PSMD3: variants seen among roughly 807,000 people sequenced by gnomAD.
PSMD3 encodes the protein 26S proteasome non-ATPase regulatory subunit 3.
PSMD3 carries 5 observed loss-of-function variants against 62.8 expected under a neutral mutation model. That is an observed-to-expected ratio of 0.08 (90% confidence interval 0.04 to 0.17). The LOEUF is 0.17. PSMD3 is among the 10% of genes least tolerant of loss of function. The probability of loss-of-function intolerance (pLI) is 1.00; values close to 1 mark genes in which losing one functional copy is unlikely to be tolerated. For missense variants in PSMD3, 524 were observed against 713.6 expected, an observed-to-expected ratio of 0.73 and a Z score of 3.03; for synonymous variants, 265 against 283.9, an observed-to-expected ratio of 0.93 and a Z score of 0.67.
intron 2 of PSMD3, 133 bp from the exon 3 acceptor site, chr17:39,986,442 C>A (rs1980525732): frequency 1.8e-6 from 2 of 1,115,512 alleles, no homozygotes; most frequent in Non-Finnish European, 2.6e-6. Flanking sequence ...TTTTTTTATC[C>A]CTAGCACCTA....
At position 39,997,492 on chromosome 17, in the gene PSMD3, C is replaced by T. The variant is rs1253847730; in HGVS notation, c.1528-12C>T. The T allele has an allele frequency of 6.2e-7, 1 of 1,613,998 alleles. No homozygotes were observed. Among genetic ancestry groups the T allele is most frequent in the Non-Finnish European group, 8.5e-7 (1 of 1,179,966 alleles). ...GCTCTGAAGCTTTGGCCTCACTTGC[C>T]TCTCTCCCCAGGAACGGCGTGAGCG... On this transcript the variant is annotated splice_polypyrimidine_tract_variant and intron_variant, in intron 11 of 11. Coordinates refer to ENST00000264639, the MANE Select transcript of PSMD3 (RefSeq NM_002809.4).
chr17:39,981,981 T>G (rs924303784), intron 1 of PSMD3, among the ~76,000 whole-genome samples: 1 of 152,224 alleles, frequency 6.6e-6, no homozygotes, highest in Non-Finnish European at 1.5e-5. Flanking sequence ...CTGTTTCCAT[T>G]TGAAGTGGGC....
chr17:39,984,616 G>A, intron 2 of PSMD3, 132 bp downstream of exon 2: 1 of 809,654 alleles, frequency 1.2e-6, no homozygotes, highest in South Asian at 2.0e-5. Flanking sequence ...CAGTCCATTT[G>A]AATACTCATC....
intron 6 of PSMD3, 90 bp downstream of exon 6, chr17:39,990,287 T>C: frequency 2.5e-6 from 3 of 1,196,554 alleles, no homozygotes; most frequent in Non-Finnish European, 3.5e-6. Flanking sequence ...GGTCTTGAAC[T>C]CCTGGGTTCA....
In PSMD3 at chr17:39,997,689, G is replaced by T; in HGVS notation, c.*108G>T. On this transcript the variant is annotated 3_prime_UTR_variant, in exon 12 of 12. Transcript: ENST00000264639. ...TTTTCCCACACACAGCTCATATGCT[G>T]CATTCGTGCAGGGGGTGGGGGTGCT... The T allele has an allele frequency of 7.6e-7, 1 of 1,307,992 alleles. No homozygotes were observed. The highest frequency in any genetic ancestry group is 1.1e-6 in the Non-Finnish European group (1 of 933,170). 81.0% of individuals were successfully genotyped at this position (1,307,992 alleles called of 1,614,324 possible).
At chr17:39,989,991 T>G in intron 5 of PSMD3, 62 bp downstream of exon 5, 1 of 1,584,260 alleles carries the variant, frequency 6.3e-7, no homozygotes. Flanking sequence ...GTGCAAATTT[T>G]CCAAGGGGTG....
At position 39,990,197 on chromosome 17, in the gene PSMD3, G is replaced by T; in HGVS notation, c.981G>T (p.Thr327=). The T allele has an allele frequency of 6.2e-7, 1 of 1,610,146 alleles. No homozygotes were observed. The highest frequency in any genetic ancestry group is 1.1e-5 in the South Asian group (1 of 90,770). ...PQHTAVGFKQ[T]VHKLLIVVEL... is the part of the protein sequence containing the mutation. Reference sequence around the variant, plus strand: ...ACACAGCTGTCGGCTTCAAACAGACGGTGAGCCACAACTACCATCATCCCT... The same window carrying T: ...ACACAGCTGTCGGCTTCAAACAGACTGTGAGCCACAACTACCATCATCCCT... The change falls in exon 6 of 12, where the codon ACG becomes ACT. Residue 327 remains threonine (T), a splice_region_variant and synonymous_variant. Coordinates refer to ENST00000264639, the MANE Select transcript of PSMD3 (RefSeq NM_002809.4).
At position 39,996,801 on chromosome 17, in the gene PSMD3, C is replaced by T. The variant is rs1980795508; in HGVS notation, c.1476+463C>T. On this transcript the variant is annotated intron_variant, in intron 10 of 11. Coordinates refer to ENST00000264639, the MANE Select transcript of PSMD3 (RefSeq NM_002809.4). This position sits in a 1 kb window ranked among gnomAD's most constrained non-coding sequence, Gnocchi z 5.1. ...ATCTAGCTCCACAAAAGGGTGAGCC[C>T]TTATCCTCAGTTAAGCACTGAGTTT... 2.2e-6 allele frequency: 1 copy of T among 463,978 alleles called. No individual in the cohort carries two copies. The allele number at this position is 463,978 out of a possible 1,614,324, so 28.7% of individuals were successfully genotyped here.
At chr17:39,987,706 C>T (rs1429288050) in intron 3 of PSMD3, among the ~76,000 whole-genome samples, 1 of 152,144 alleles carries the variant, frequency 6.6e-6, no homozygotes, top group East Asian at 1.9e-4. Flanking sequence ...TGGTCTTGAA[C>T]TCCTGGGCTC....
At chr17:39,989,287 C>T (rs1255381168) in intron 4 of PSMD3, among the ~76,000 whole-genome samples, 2 of 152,230 alleles carry the variant, frequency 1.3e-5, no homozygotes, top group Non-Finnish European at 2.9e-5. Context: ...GCACACTCTT[C>T]TTCAGAGCCT....
At chr17:39,981,307 C>T in intron 1 of PSMD3, 117 bp downstream of exon 1, 2 of 1,463,814 alleles carry the variant, frequency 1.4e-6, no homozygotes, top group Non-Finnish European at 1.8e-6. Context: ...TTGGGATCAC[C>T]CCCAGATACC....
At chr17:39,981,260 C>T (rs1980377648) in intron 1 of PSMD3, 70 bp downstream of exon 1, 3 of 1,541,092 alleles carry the variant, frequency 1.9e-6, no homozygotes, top group Non-Finnish European at 2.6e-6. Context: ...TGGCTTCTTG[C>T]TGGGAAGCCA....
At chr17:39,988,333 G>A (rs1032002771) in intron 3 of PSMD3, among the ~76,000 whole-genome samples, 16 of 152,114 alleles carry the variant, frequency 1.1e-4, no homozygotes, top group African/African-American at 2.4e-4. Flanking sequence ...ATTACACACC[G>A]TGTGCCCTTG....
In PSMD3 at chr17:39,995,064, T is replaced by G. The variant is rs753829733; in HGVS notation, c.1092T>G (p.Thr364=). The G allele has an allele frequency of 1.7e-4, 278 of 1,613,996 alleles. No individual in the cohort carries two copies. Among genetic ancestry groups the G allele is most frequent in the Non-Finnish European group, 1.3e-4 (155 of 1,180,018 alleles). The part of the protein sequence containing the change: ...KRSLMPYFLL[T]QAVRTGNLAK... ...CACTCATGCCCTATTTCCTTCTGACTCAAGGTAAGGCTGGCTTCCCCACCC... is the reference window on the plus strand; with the variant it reads ...CACTCATGCCCTATTTCCTTCTGACGCAAGGTAAGGCTGGCTTCCCCACCC... Residue 364 remains threonine (T), a synonymous_variant, in exon 7 of 12, where the codon ACT becomes ACG. Coordinates refer to ENST00000264639, the MANE Select transcript of PSMD3 (RefSeq NM_002809.4). The surrounding 1 kb of genome is among the most constrained non-coding windows in gnomAD (Gnocchi z 4.1).
At chr17:39,985,304 T>C (rs1225551376) in intron 2 of PSMD3, among the ~76,000 whole-genome samples, 1 of 152,234 alleles carries the variant, frequency 6.6e-6, no homozygotes, top group Non-Finnish European at 1.5e-5. Flanking sequence ...AGTTAGTACC[T>C]GTGGGACTTG....
intron 1 of PSMD3, among the ~76,000 whole-genome samples, chr17:39,982,456 A>G (rs1980412127): frequency 6.6e-6 from 1 of 152,254 alleles, no homozygotes. Context: ...TACAGTTTGT[A>G]TCAAGGCATA....
intron 3 of PSMD3, among the ~76,000 whole-genome samples, chr17:39,987,957 A>G (rs1371785900): frequency 6.6e-6 from 1 of 152,186 alleles, no homozygotes; most frequent in Non-Finnish European, 1.5e-5. Flanking sequence ...AATACAAAAA[A>G]TTAGCCGGGC....
chr17:39,997,577 C>A lies in PSMD3; in HGVS notation c.1601C>A (p.Pro534His), dbSNP rs867037338. Residue 534 changes from proline (P) to histidine (H), a missense_variant, in exon 12 of 12, where the codon CCT becomes CAT. Pro to His is a moderately conservative substitution (Grantham distance 77). Transcript: ENST00000264639. ...EMAEDDDDSF[P>H] is the part of the protein sequence containing the mutation. ...GCAGAAGATGATGATGACAGCTTCC[C>A]TTGAGCTGGGGGGCTGGGGAGGGGT... 1 of 1,566,476 alleles carries A rather than the reference C, an allele frequency of 6.4e-7. No homozygotes were observed. The highest frequency in any genetic ancestry group is 1.7e-5 in the Admixed American group (1 of 59,066).
rs569208485 is a variant in PSMD3 at position 39,994,983 on chromosome 17, G to A, written c.1011G>A (p.Leu337=). ...ACAAGCTTCTCATCGTGGTGGAGCT[G>A]TTGCTGGGGGAGATCCCTGACCGGC... The part of the protein sequence containing the change: ...TVHKLLIVVE[L]LLGEIPDRLQ... Residue 337 remains leucine (L), a synonymous_variant, in exon 7 of 12, where the codon CTG becomes CTA. Transcript: ENST00000264639. The A allele has an allele frequency of 8.5e-5, 138 of 1,614,138 alleles. 2 individuals are homozygous for A. In the South Asian group the frequency reaches 1.5e-3, roughly 17 times the overall value.
Sources: allele counts gnomAD v4.1 joint callset (sites outside exome capture counted in the v4.1 genomes callset), GRCh38; gene constraint gnomAD v4.1.1; non-coding constraint Gnocchi (gnomAD v3.1); transcripts MANE v1.5; gene names NCBI Gene and HGNC (gene_info 2026-07-23, HGNC 2026-07-21).